The following CEP152 variants were observed in gnomAD, a reference collection of about 807,000 sequenced individuals.
CEP152 encodes centrosomal protein of 152 kDa.
A neutral mutation model predicts 188.9 loss-of-function variants in CEP152; 132 were observed. The ratio of observed to expected loss-of-function variants is 0.70; its 90% confidence interval spans 0.61 to 0.81. The LOEUF is 0.81. CEP152 is among the 30% of genes least tolerant of loss of function. CEP152 has a pLI of 0.00. For missense variants in CEP152, 1,914 were observed against 1,969.8 expected (o/e 0.97, Z 0.54); for synonymous variants, 649 against 666.6 (o/e 0.97, Z 0.41).
intron 2 of CEP152, 171 bp downstream of exon 2, chr15:48,805,392 C>T (rs1034162672): frequency 4.3e-5 from 33 of 771,526 alleles, no homozygotes; most frequent in Non-Finnish European, 6.3e-5. Context: ...AGAAGCATTC[C>T]ACTTATTCAC....
intron 21 of CEP152, among the ~76,000 whole-genome samples, chr15:48,750,411 T>C (rs1415535562): frequency 6.6e-6 from 1 of 152,166 alleles, no homozygotes; most frequent in Non-Finnish European, 1.5e-5. Flanking sequence ...GGGGCCAAAA[T>C]GTTACTGTAA....
rs1260248064 is a variant in CEP152, at chr15:48,756,206, T to C, written c.3042A>G (p.Thr1014=). The change falls in exon 20 of 27, where the codon ACA becomes ACG. Residue 1014 remains threonine (T), a synonymous_variant. Coordinates refer to ENST00000380950, the MANE Select transcript of CEP152 (RefSeq NM_001194998.2). ...QKTELLLQKE[T]ELQTCLDQSR... is the part of the protein sequence containing the mutation. ...TCTGGTCTAGACAAGTTTGTAATTC[T>C]GTCTCCTTCTGAAGAAGTAGTTCAG... is the stretch of plus-strand genomic sequence containing the variant. 6.2e-7 allele frequency: 1 copy of C among 1,613,686 alleles called. No individual in the cohort carries two copies. Among genetic ancestry groups the C allele is most frequent in the Non-Finnish European group, 8.5e-7 (1 of 1,179,730 alleles).
Position 48,744,350 on chromosome 15 carries a change from A to C in CEP152, c.3732-7T>G, listed in dbSNP as rs766283405. The C allele has an allele frequency of 1.2e-6, 2 of 1,613,934 alleles. No individual in the cohort carries two copies. The highest frequency in any genetic ancestry group is 1.3e-5 in the African/African-American group (1 of 74,916). On this transcript the variant is annotated splice_region_variant and splice_polypyrimidine_tract_variant and intron_variant, in intron 23 of 26. Transcript: ENST00000380950. The stretch of plus-strand genomic sequence containing the variant: ...GGCCCCTGCTGACAATGACCTAAAA[A>C]ACAAACCAAAGATTACAAAAACAGA...
chr15:48,790,849 T>A (rs1204107414), intron 8 of CEP152, among the ~76,000 whole-genome samples: 1 of 152,190 alleles, frequency 6.6e-6, no homozygotes, highest in African/African-American at 2.4e-5. Flanking sequence ...ATTACAGGCG[T>A]GAGCCACTGC....
chr15:48,767,029 G>T lies in CEP152; in HGVS notation c.2280+31C>A, dbSNP rs113266652. On this transcript the variant is annotated intron_variant, in intron 17 of 26. Coordinates refer to ENST00000380950, the MANE Select transcript of CEP152 (RefSeq NM_001194998.2). ...AATACTGAGGCTTGAAGAGTGAAAG[G>T]ATGTCGATACAACATAAACTTGTAC... The T allele has an allele frequency of 7.8e-4, 1,264 of 1,610,236 alleles. 5 individuals carry two copies. The African/African-American group carries it at 0.015, about 19-fold the overall frequency.
rs1031224468 is a variant in CEP152 at position 48,739,000 on chromosome 15, G to A, written c.4382C>T (p.Ser1461Phe). 1.2e-6 allele frequency: 2 copies of A among 1,614,114 alleles called. No individual in the cohort carries two copies. The highest frequency in any genetic ancestry group is 1.7e-6 in the Non-Finnish European group (2 of 1,180,010). The change falls in exon 27 of 27, where the codon TCT (serine) becomes TTT (phenylalanine). Residue 1461 changes from serine (S) to phenylalanine (F), a missense_variant. Physicochemically the swap from Ser to Phe is radical, Grantham distance 155 (BLOSUM62 -2). Transcript: ENST00000380950. ...ACCTTCACAAGGAACAAACTCAGGA[G>A]AAACATTCCTTGGCAAACTGTTTAG... ...KHLNSLPRNVSPEFVPCEGEG... is the reference protein window; with the variant it reads ...KHLNSLPRNVFPEFVPCEGEG...
At chr15:48,791,139 A>G in intron 8 of CEP152, 98 bp downstream of exon 8, 1 of 1,031,838 alleles carries the variant, frequency 9.7e-7, no homozygotes, top group Non-Finnish European at 1.4e-6. Flanking sequence ...TTTGTCAATA[A>G]CTTCAAAGTT....
intron 7 of CEP152, among the ~76,000 whole-genome samples, chr15:48,792,775 C>T (rs1052621343): frequency 1.8e-4 from 27 of 150,994 alleles, no homozygotes; most frequent in Admixed American, 4.6e-4. Context: ...ATTCTAAAAG[C>T]CTAAGTGAGA....
At chr15:48,799,220 A>T (rs1369226445) in intron 2 of CEP152, among the ~76,000 whole-genome samples, 5 of 152,164 alleles carry the variant, frequency 3.3e-5, no homozygotes, top group Non-Finnish European at 7.4e-5. Context: ...ACCTGTCATT[A>T]GTACAAAAGA....
At chr15:48,803,363 C>T (rs1008907680) in intron 2 of CEP152, among the ~76,000 whole-genome samples, 1 of 152,274 alleles carries the variant, frequency 6.6e-6, no homozygotes, top group African/African-American at 2.4e-5. Context: ...GGTTTGACCA[C>T]CCAATTTATT....
At chr15:48,739,339 G>A (rs778324148) in intron 26 of CEP152, 51 bp from the exon 27 acceptor site, 2 of 1,550,906 alleles carry the variant, frequency 1.3e-6, no homozygotes, top group Non-Finnish European at 1.7e-6. Context: ...TATTTAAAGG[G>A]AAGATTCATC....
At chr15:48,804,722 C>A (rs1396399437) in intron 2 of CEP152, among the ~76,000 whole-genome samples, 3 of 152,218 alleles carry the variant, frequency 2.0e-5, no homozygotes, top group African/African-American at 7.2e-5. Context: ...CACCATGCAG[C>A]CTTCTGAAAG....
At chr15:48,779,946 A>G (rs949229852) in intron 12 of CEP152, among the ~76,000 whole-genome samples, 1 of 152,220 alleles carries the variant, frequency 6.6e-6, no homozygotes, top group Admixed American at 6.5e-5. Flanking sequence ...ACACACGTAA[A>G]TGTGTAGAGC....
chr15:48,793,579 C>T lies in CEP152; in HGVS notation c.692-118G>A, dbSNP rs962782307. On this transcript the variant is annotated intron_variant, in intron 6 of 26. Transcript: ENST00000380950. ...CTTTTAGAGCATCATGAAATCAATT[C>T]AGTGAATTGTGACTAGGATTAAAAA... 9.1e-5 allele frequency: 78 copies of T among 853,440 alleles called. No individual in the cohort carries two copies. The Middle Eastern group carries it at 1.4e-3, about 15-fold the overall frequency. 52.9% of individuals were successfully genotyped at this position (853,440 alleles called of 1,614,324 possible).
At chr15:48,735,746 AT>A (rs199519098), downstream of CEP152, among the ~76,000 whole-genome samples, 1 of 152,084 alleles carries the variant, frequency 6.6e-6, no homozygotes, top group African/African-American at 2.4e-5. Flanking sequence ...AAATAAATAA[AT>A]TTTAAAAAAA....
chr15:48,799,943 TAAGTA>T (rs763293767), intron 2 of CEP152, among the ~76,000 whole-genome samples: 1 of 152,194 alleles, frequency 6.6e-6, no homozygotes, highest in Non-Finnish European at 1.5e-5. Context: ...ATACTTACAT[TAAGTA>T]AAGACTCCTG....
chr15:48,759,390 C>A (rs911530053), intron 19 of CEP152, among the ~76,000 whole-genome samples: 10 of 152,000 alleles, frequency 6.6e-5, no homozygotes, highest in African/African-American at 2.4e-4. Flanking sequence ...GAAATAATTC[C>A]TCATTCCCTT....
intron 2 of CEP152, among the ~76,000 whole-genome samples, chr15:48,803,962 A>G (rs1897825419): frequency 6.6e-6 from 1 of 152,178 alleles, no homozygotes; most frequent in Admixed American, 6.5e-5. Context: ...CCTCATTCCC[A>G]TCCTTGCCAC....
intron 13 of CEP152, among the ~76,000 whole-genome samples, chr15:48,771,833 T>G (rs1595650183): frequency 6.6e-6 from 1 of 152,354 alleles, no homozygotes; most frequent in Middle Eastern, 3.4e-3. Flanking sequence ...TTATGCAAAG[T>G]CATCTAATGC....
Sources: gnomAD v4.1 joint callset for allele counts (sites outside exome capture counted in the v4.1 genomes callset) on GRCh38, gnomAD v4.1.1 for gene constraint, MANE v1.5 for transcripts, NCBI Gene and HGNC (gene_info 2026-07-23, HGNC 2026-07-21) for gene names.